The following AK3 variants were observed in gnomAD, a reference collection of about 807,000 sequenced individuals.
AK3 encodes the protein adenylate kinase 3.
Under a neutral mutation model 23.7 loss-of-function variants are expected in AK3, and 27 were observed. That is an observed-to-expected ratio of 1.14 (90% CI 0.84 to 1.57). The LOEUF (loss-of-function observed/expected upper bound fraction) is 1.57, where lower values mean the gene tolerates loss of function less well. Among genes scored for constraint, AK3 ranks in the 40% most tolerant of loss-of-function variants. The pLI is 0.00. For missense variants in AK3, 406 were observed against 285.6 expected (o/e 1.42, Z -3.04); for synonymous variants, 159 against 116.0 (o/e 1.37, Z -2.38).
chr9:4,719,251 T>C lies in AK3; in HGVS notation c.328A>G (p.Thr110Ala). 1.2e-6 allele frequency: 2 copies of C among 1,612,018 alleles called. No individual in the cohort carries two copies. Among genetic ancestry groups the C allele is most frequent in the Non-Finnish European group, 1.7e-6 (2 of 1,179,756 alleles). The change falls in exon 3 of 5, where the codon ACA (threonine) becomes GCA (alanine). Residue 110 changes from threonine to alanine, a missense_variant. Coordinates refer to ENST00000381809, the MANE Select transcript of AK3 (RefSeq NM_016282.4). ...AAGGGCACATTCAGGTTAATCACTG[T>C]GTCGATCTGATAAGCTCTATCTAGG... Reference protein sequence around the residue: ...EALDRAYQIDTVINLNVPFEV... With the variant: ...EALDRAYQIDAVINLNVPFEV...
chr9:4,718,571 T>A, intron 3 of AK3, 34 bp from the exon 4 acceptor site: 1 of 1,431,180 alleles, frequency 7.0e-7, no homozygotes. Context: ...GTATCAGATA[T>A]CATATTTCTG....
intron 1 of AK3, among the ~76,000 whole-genome samples, chr9:4,739,662 T>C (rs1055493844): frequency 2.0e-5 from 3 of 152,030 alleles, no homozygotes; most frequent in African/African-American, 4.8e-5. Context: ...CCGGGCGCGG[T>C]GGCTCACGCC....
chr9:4,731,012 C>CAA (rs1377962504), intron 1 of AK3, among the ~76,000 whole-genome samples: 2 of 152,206 alleles, frequency 1.3e-5, no homozygotes, highest in Non-Finnish European at 2.9e-5. Context: ...GACTGCCTTA[C>CAA]TTGGCTGGAA....
intron 4 of AK3, among the ~76,000 whole-genome samples, chr9:4,717,723 T>C (rs753500150): frequency 6.6e-6 from 1 of 152,236 alleles, no homozygotes; most frequent in African/African-American, 2.4e-5. Flanking sequence ...TATTCAACAC[T>C]TTATTACAAA....
At chr9:4,722,120 T>G (rs1292096723) in intron 2 of AK3, among the ~76,000 whole-genome samples, 1 of 152,224 alleles carries the variant, frequency 6.6e-6, no homozygotes, top group East Asian at 1.9e-4. Context: ...TTTTGTGTCC[T>G]CTCTATATTA....
chr9:4,725,019 C>CTTTTT (rs1491310710), intron 1 of AK3, among the ~76,000 whole-genome samples: 1 of 53,302 alleles, frequency 1.9e-5, no homozygotes. Flanking sequence ...AGCTACTAAA[C>CTTTTT]TCTTTTTTTT....
intron 1 of AK3, among the ~76,000 whole-genome samples, chr9:4,731,013 T>A (rs988713270): frequency 6.6e-6 from 1 of 152,252 alleles, no homozygotes; most frequent in Non-Finnish European, 1.5e-5. Context: ...ACTGCCTTAC[T>A]TGGCTGGAAG....
chr9:4,728,866 T>TATATATATATACACAC (rs1395790351), intron 1 of AK3, among the ~76,000 whole-genome samples: 99 of 87,784 alleles, frequency 1.1e-3, no homozygotes, highest in East Asian at 1.4e-3. Flanking sequence ...TATATATATA[T>TATATATATATACACAC]ACACACACAC....
chr9:4,714,104 A>ACATATACACACCTC (rs1841648966), intron 4 of AK3, among the ~76,000 whole-genome samples: 1 of 1,436 alleles, frequency 7.0e-4, no homozygotes, highest in African/African-American at 2.6e-3. Context: ...ATACACACCT[A>ACATATACACACCTC]CACATATACA....
At position 4,709,757 on chromosome 9, in the gene AK3, A is replaced by G. The variant is rs1445270912; in HGVS notation, c.*3219T>C. ...TTTAACCATAACTTCCAAGATGAAAATCTTTAACTGCAAAGATAGAAAAGC... is the reference window on the plus strand; with the variant it reads ...TTTAACCATAACTTCCAAGATGAAAGTCTTTAACTGCAAAGATAGAAAAGC... On this transcript the variant is annotated 3_prime_UTR_variant, in exon 5 of 5. Transcript: ENST00000381809. 2 of 152,176 alleles carry G rather than the reference A, an allele frequency of 1.3e-5. No homozygotes were observed. Among genetic ancestry groups the G allele is most frequent in the Non-Finnish European group, 2.9e-5 (2 of 68,028 alleles). The allele number at this position is 152,176 out of a possible 1,614,324, so 9.4% of individuals were successfully genotyped here.
chr9:4,736,284 G>A lies in AK3; in HGVS notation c.151+4653C>T, dbSNP rs147130738. 1.9e-3 allele frequency among the ~76,000 whole-genome samples: 289 copies of A among 152,098 alleles called. 2 individuals are homozygous for A. The highest frequency in any genetic ancestry group is 6.9e-3 in the African/African-American group (285 of 41,472). On this transcript the variant is annotated intron_variant, in intron 1 of 4. Transcript: ENST00000381809. ...AATGGGGCACTCCATATGCAAAGCAGTATTGTTAAAGGTATAAAACAGTAT... is the reference window on the plus strand; with the variant it reads ...AATGGGGCACTCCATATGCAAAGCAATATTGTTAAAGGTATAAAACAGTAT...
chr9:4,738,729 T>C (rs1029299582), intron 1 of AK3, among the ~76,000 whole-genome samples: 5 of 151,268 alleles, frequency 3.3e-5, no homozygotes, highest in African/African-American at 1.2e-4. Context: ...GAAATAGATA[T>C]AGTTTCCTTC....
At chr9:4,740,817 G>T in intron 1 of AK3, 120 bp downstream of exon 1, 1 of 1,231,938 alleles carries the variant, frequency 8.1e-7, no homozygotes. Context: ...TCTGTCCCGG[G>T]CGGCGGGAGG....
At position 4,737,201 on chromosome 9, in the gene AK3, T is replaced by A. The variant is rs143616964; in HGVS notation, c.151+3736A>T. On this transcript the variant is annotated intron_variant, in intron 1 of 4. Transcript: ENST00000381809. ...TAAAAATTAATAGCTATAATTTTCA[T>A]GAAATACAGCTTTCATGTGCTAGAT... 5.8e-3 allele frequency among the ~76,000 whole-genome samples: 871 copies of A among 151,356 alleles called. 22 individuals carry two copies. The East Asian group carries it at 0.06, about 10-fold the overall frequency.
At chr9:4,735,942 C>T (rs1842282218) in intron 1 of AK3, among the ~76,000 whole-genome samples, 1 of 144,184 alleles carries the variant, frequency 6.9e-6, no homozygotes, top group Non-Finnish European at 1.5e-5. Flanking sequence ...TGGTGAAACC[C>T]CATCTCTACT....
upstream of AK3, chr9:4,741,415 C>T (rs1842433178): frequency 4.0e-6 from 1 of 249,798 alleles, no homozygotes; most frequent in Non-Finnish European, 7.6e-6. Flanking sequence ...TCTCCGCGGC[C>T]CCTCTCCACC....
chr9:4,736,995 A>T (rs1038256500), intron 1 of AK3, among the ~76,000 whole-genome samples: 6 of 149,736 alleles, frequency 4.0e-5, no homozygotes, highest in Non-Finnish European at 8.9e-5. Flanking sequence ...TGTCTCTGAG[A>T]CGCACTATGC....
At chr9:4,733,983 T>G (rs1476371219) in intron 1 of AK3, among the ~76,000 whole-genome samples, 1 of 152,158 alleles carries the variant, frequency 6.6e-6, no homozygotes, top group Admixed American at 6.5e-5. Context: ...CACATATCAC[T>G]CCAATGACCG....
intron 1 of AK3, among the ~76,000 whole-genome samples, chr9:4,728,832 CATATATATATATATAT>C (rs145541536): frequency 1.0e-4 from 9 of 86,842 alleles, no homozygotes; most frequent in East Asian, 5.0e-4. Flanking sequence ...CATGTCTCTA[CATATATATATATATAT>C]ATATATATAT....
Sources: gnomAD v4.1 joint callset for allele counts (sites outside exome capture counted in the v4.1 genomes callset) on GRCh38, gnomAD v4.1.1 for gene constraint, MANE v1.5 for transcripts, NCBI Gene and HGNC (gene_info 2026-07-23, HGNC 2026-07-21) for gene names.